Variants in GTF2A2 observed in about 807,000 individuals in gnomAD.
GTF2A2 encodes the protein general transcription factor IIA subunit 2.
A neutral mutation model predicts 14.3 loss-of-function variants in GTF2A2; 9 were observed. That is an observed-to-expected ratio of 0.63 (90% CI 0.38 to 1.10). GTF2A2 has a LOEUF of 1.10. Among genes scored for constraint, GTF2A2 ranks in the 50% least tolerant of loss-of-function variants. The probability of loss-of-function intolerance (pLI) is 0.01; values close to 1 mark genes in which losing one functional copy is unlikely to be tolerated. For synonymous variants in GTF2A2, 56 were observed against 46.0 expected (o/e 1.22, Z -0.88); for missense variants, 90 against 124.6 (o/e 0.72, Z 1.32).
chr15:59,641,405 C>A (rs1399998401), intron 4 of GTF2A2, among the ~76,000 whole-genome samples: 1 of 152,082 alleles, frequency 6.6e-6, no homozygotes, highest in Non-Finnish European at 1.5e-5. Flanking sequence ...ACAAATCCGA[C>A]TCAAACAGGG....
At position 59,638,919 on chromosome 15, in the gene GTF2A2, T is replaced by C; in HGVS notation, c.*213A>G. On this transcript the variant is annotated 3_prime_UTR_variant, in exon 5 of 5. Coordinates refer to ENST00000396060, the MANE Select transcript of GTF2A2 (RefSeq NM_004492.3). Reference sequence around the variant, plus strand: ...AAGGTTCTTAGGAAGGCAACAACTTTTGTCCTTAAAAAAAAGTTATGGTTT... The same window carrying C: ...AAGGTTCTTAGGAAGGCAACAACTTCTGTCCTTAAAAAAAAGTTATGGTTT... 6.3e-6 allele frequency: 3 copies of C among 477,724 alleles called. No homozygotes were observed. The highest frequency in any genetic ancestry group is 7.6e-6 in the Non-Finnish European group (2 of 263,748). The allele number at this position is 477,724 out of a possible 1,614,324, so 29.6% of individuals were successfully genotyped here.
intron 3 of GTF2A2, 80 bp from the exon 4 acceptor site, chr15:59,642,342 A>T (rs1458710585): frequency 8.0e-7 from 1 of 1,254,124 alleles, no homozygotes; most frequent in African/African-American, 1.5e-5. Flanking sequence ...AAGAGATCTT[A>T]GCTACCAAGA....
intron 3 of GTF2A2, among the ~76,000 whole-genome samples, chr15:59,648,232 T>G (rs1051382855): frequency 2.2e-4 from 33 of 150,904 alleles, no homozygotes; most frequent in African/African-American, 6.3e-4. Context: ...CATAGTGAAA[T>G]CCCATCTCTT....
intron 4 of GTF2A2, among the ~76,000 whole-genome samples, chr15:59,641,263 G>A (rs1595666791): frequency 6.9e-6 from 1 of 145,090 alleles, no homozygotes; most frequent in East Asian, 2.0e-4. Context: ...ATACATTTTT[G>A]CAAAAAAAAG....
At position 59,638,935 on chromosome 15, in the gene GTF2A2, G is replaced by C; in HGVS notation, c.*197C>G. The C allele has an allele frequency of 4.1e-6, 2 of 491,392 alleles. 1 individual carries two copies. The highest frequency in any genetic ancestry group is 5.7e-5 in the South Asian group (2 of 35,264). 30.4% of individuals were successfully genotyped at this position (491,392 alleles called of 1,614,324 possible). A position where few individuals can be genotyped will look rare whatever the true frequency, so the allele number is the denominator to read the frequency against. On this transcript the variant is annotated 3_prime_UTR_variant, in exon 5 of 5. Transcript: ENST00000396060. ...CAACAACTTTTGTCCTTAAAAAAAA[G>C]TTATGGTTTTTCATGCTGTATAATA...
chr15:59,645,904 GGT>G (rs1204384666), intron 3 of GTF2A2, among the ~76,000 whole-genome samples: 3 of 151,876 alleles, frequency 2.0e-5, no homozygotes, highest in African/African-American at 7.3e-5. Context: ...CATGATGGTG[GGT>G]GCCTGTAATC....
intron 1 of GTF2A2, among the ~76,000 whole-genome samples, chr15:59,654,476 C>A (rs996593946): frequency 6.6e-6 from 1 of 152,180 alleles, no homozygotes; most frequent in East Asian, 1.9e-4. Flanking sequence ...GAATTACCTT[C>A]CTTCTTCCTC....
At chr15:59,649,951 A>C (rs1174618938) in intron 3 of GTF2A2, among the ~76,000 whole-genome samples, 1 of 152,214 alleles carries the variant, frequency 6.6e-6, no homozygotes, top group Non-Finnish European at 1.5e-5. Context: ...ATATTTCTAC[A>C]GGTTATGCCT....
intron 3 of GTF2A2, among the ~76,000 whole-genome samples, chr15:59,647,847 G>A (rs1238827361): frequency 6.6e-6 from 1 of 152,072 alleles, no homozygotes; most frequent in Non-Finnish European, 1.5e-5. Flanking sequence ...TGGGGTTACA[G>A]GCATGAGCCA....
chr15:59,639,404 A>G (rs1200329283), intron 4 of GTF2A2, among the ~76,000 whole-genome samples: 3 of 152,068 alleles, frequency 2.0e-5, no homozygotes, highest in African/African-American at 7.2e-5. Context: ...AAGTTGAACT[A>G]CATTTGGTTC....
intron 1 of GTF2A2, among the ~76,000 whole-genome samples, chr15:59,655,253 C>T (rs2141969100): frequency 6.6e-6 from 1 of 152,326 alleles, no homozygotes; most frequent in South Asian, 2.1e-4. Context: ...AATCCCCTGC[C>T]AGCTACATCC....
intron 4 of GTF2A2, 132 bp from the exon 5 acceptor site, chr15:59,639,289 A>G (rs1891302789): frequency 8.8e-6 from 6 of 678,766 alleles, no homozygotes; most frequent in Non-Finnish European, 1.1e-5. Flanking sequence ...GTGGGGAAGA[A>G]CAGGAGGAAA....
chr15:59,645,594 C>A (rs539364777), intron 3 of GTF2A2, among the ~76,000 whole-genome samples: 107 of 152,274 alleles, frequency 7.0e-4, no homozygotes, highest in African/African-American at 2.4e-3. Context: ...GAAAAAGACA[C>A]AAAATTGTAA....
intron 3 of GTF2A2, among the ~76,000 whole-genome samples, chr15:59,647,048 CAT>C (rs1398797260): frequency 6.6e-6 from 1 of 151,140 alleles, no homozygotes; most frequent in African/African-American, 2.4e-5. Context: ...ATAATATATA[CAT>C]GTCTTTCATA....
At chr15:59,655,649 T>C (rs1396243227) in intron 1 of GTF2A2, among the ~76,000 whole-genome samples, 1 of 152,200 alleles carries the variant, frequency 6.6e-6, no homozygotes, top group Non-Finnish European at 1.5e-5. Context: ...TCCTTACGGA[T>C]AACATTTATT....
chr15:59,644,522 A>G (rs1171997380), intron 3 of GTF2A2, among the ~76,000 whole-genome samples: 2 of 152,252 alleles, frequency 1.3e-5, no homozygotes, highest in African/African-American at 2.4e-5. Flanking sequence ...TGGTAAGCAC[A>G]GCTCCCTGCC....
At chr15:59,655,365 C>G (rs1045180072) in intron 1 of GTF2A2, among the ~76,000 whole-genome samples, 2 of 152,200 alleles carry the variant, frequency 1.3e-5, no homozygotes, top group African/African-American at 4.8e-5. Context: ...ATTTTTGCCT[C>G]TAGCACTCTA....
chr15:59,648,216 G>A (rs1891670617), intron 3 of GTF2A2, among the ~76,000 whole-genome samples: 1 of 151,806 alleles, frequency 6.6e-6, no homozygotes, highest in Non-Finnish European at 1.5e-5. Flanking sequence ...AGACCAGCCT[G>A]GCCAACATAG....
rs1466148760 is a variant in GTF2A2 at position 59,638,312 on chromosome 15, A to G, written c.*820T>C. The G allele has an allele frequency of 2.0e-5, 3 of 152,138 alleles. No individual in the cohort carries two copies. The highest frequency in any genetic ancestry group is 4.8e-5 in the African/African-American group (2 of 41,418). The allele number at this position is 152,138 out of a possible 1,614,324, so 9.4% of individuals were successfully genotyped here. Reference sequence around the variant, plus strand: ...AAAAATCTTTTACTCCAATTGGGTCAATCCAGTTAACCATGTAAGAAACTC... The same window carrying G: ...AAAAATCTTTTACTCCAATTGGGTCGATCCAGTTAACCATGTAAGAAACTC... On this transcript the variant is annotated 3_prime_UTR_variant, in exon 5 of 5. Coordinates refer to ENST00000396060, the MANE Select transcript of GTF2A2 (RefSeq NM_004492.3).
Sources: allele counts gnomAD v4.1 joint callset (sites outside exome capture counted in the v4.1 genomes callset), GRCh38; gene constraint gnomAD v4.1.1; transcripts MANE v1.5; gene names NCBI Gene and HGNC (gene_info 2026-07-23, HGNC 2026-07-21).